Variants in PIAS1 observed in about 807,000 individuals in gnomAD.
PIAS1 encodes protein inhibitor of activated STAT 1.
In PIAS1, 6 loss-of-function variants were observed where a neutral mutation model predicts 71.3. That is an observed-to-expected ratio of 0.08 (90% CI 0.05 to 0.17). PIAS1 has a LOEUF of 0.17. Ranked by LOEUF, PIAS1 falls within the 10% of genes least tolerant of loss-of-function variation. PIAS1 has a pLI of 1.00. For synonymous variants in PIAS1, 303 were observed against 292.9 expected (o/e 1.03, Z -0.35); for missense variants, 555 against 793.6 (o/e 0.70, Z 3.61).
Position 68,171,919 on chromosome 15 carries a change from TTA to T in PIAS1, c.1009-1809_1009-1808del, listed in dbSNP as rs2092993821. Reference sequence around the variant, plus strand: ...TTTCTTTCATATATATTTTTTTCTTTTATATGTTTTATATATATATAAAATAC... The same window carrying T: ...TTTCTTTCATATATATTTTTTTCTTTTATGTTTTATATATATATAAAATAC... On this transcript the variant is annotated intron_variant, in intron 8 of 13. Transcript: ENST00000249636. This position sits in a 1 kb window ranked among gnomAD's most constrained non-coding sequence, Gnocchi z 4.4. 6.6e-6 allele frequency among the ~76,000 whole-genome samples: 1 copy of T among 151,662 alleles called. No homozygotes were observed. Among genetic ancestry groups the T allele is most frequent in the Non-Finnish European group, 1.5e-5 (1 of 67,906 alleles).
chr15:68,148,990 A>T (rs190544685), intron 6 of PIAS1, among the ~76,000 whole-genome samples: 7 of 151,868 alleles, frequency 4.6e-5, no homozygotes, highest in African/African-American at 1.7e-4. Context: ...GTGACTGATG[A>T]GTCCTTGGTT....
chr15:68,069,203 A>AT (rs1291363993), intron 1 of PIAS1, among the ~76,000 whole-genome samples: 2 of 152,006 alleles, frequency 1.3e-5, no homozygotes, highest in Non-Finnish European at 2.9e-5. Flanking sequence ...CTTGTCCATT[A>AT]TTTTTTTGGA....
intron 7 of PIAS1, among the ~76,000 whole-genome samples, chr15:68,154,681 G>A (rs1275123608): frequency 2.6e-5 from 4 of 152,188 alleles, no homozygotes; most frequent in African/African-American, 7.2e-5. Flanking sequence ...GAATTTTTCT[G>A]TATTAAAATG....
At chr15:68,071,289 CAG>C (rs1479396949) in intron 1 of PIAS1, among the ~76,000 whole-genome samples, 90 of 102,766 alleles carry the variant, frequency 8.8e-4, no homozygotes, top group African/African-American at 3.1e-3. Context: ...TTTTTTTTGA[CAG>C]AGTCTCACTC....
Position 68,185,923 on chromosome 15 carries a change from A to T in PIAS1, c.1663-1619A>T, listed in dbSNP as rs977909908. Among the ~76,000 whole-genome samples the T allele has an allele frequency of 6.6e-6, 1 of 151,956 alleles. No individual in the cohort carries two copies. The highest frequency in any genetic ancestry group is 2.4e-5 in the African/African-American group (1 of 41,338). On this transcript the variant is annotated intron_variant, in intron 13 of 13. Transcript: ENST00000249636. This position sits in a 1 kb window ranked among gnomAD's most constrained non-coding sequence, Gnocchi z 4.4. ...GTTGCAGTGAGCCGAGATTGCGTGC[A>T]CCACTCTACTCCAACCTGGGTGGCA...
chr15:68,191,055 ATTATT>A lies in PIAS1; in HGVS notation c.*3224_*3228del, dbSNP rs910484308. ...CAGGACTTTTTAAAGCACATTTGAA[ATTATT>A]TTAGTAAGAATTTTGTTTTATCAAT... is the stretch of plus-strand genomic sequence containing the variant. On this transcript the variant is annotated 3_prime_UTR_variant, in exon 14 of 14. Transcript: ENST00000249636. The A allele has an allele frequency of 2.9e-4, 45 of 152,726 alleles. No homozygotes were observed. The highest frequency in any genetic ancestry group is 1.0e-3 in the African/African-American group (42 of 41,592). 9.5% of individuals were successfully genotyped at this position (152,726 alleles called of 1,614,324 possible). A position where few individuals can be genotyped will look rare whatever the true frequency, so the allele number is the denominator to read the frequency against.
At chr15:68,140,622 C>G (rs1372432709) in intron 2 of PIAS1, among the ~76,000 whole-genome samples, 3 of 152,200 alleles carry the variant, frequency 2.0e-5, no homozygotes, top group East Asian at 1.9e-4. Flanking sequence ...AGATAGAATT[C>G]TAGATCAACA....
At position 68,117,472 on chromosome 15, in the gene PIAS1, A is replaced by T. The variant is rs571154387; in HGVS notation, c.470-24474A>T. The stretch of plus-strand genomic sequence containing the variant: ...TTAGAACACGAGAATTTATCTATCT[A>T]ACTGTAGCTTTGTACTTGTGGACCA... On this transcript the variant is annotated intron_variant, in intron 2 of 13. Transcript: ENST00000249636. Among the ~76,000 whole-genome samples the T allele has an allele frequency of 3.9e-5, 6 of 152,292 alleles. No homozygotes were observed. In the South Asian group the frequency reaches 6.2e-4, roughly 16 times the overall value.
chr15:68,133,196 A>G (rs189244316), intron 2 of PIAS1, among the ~76,000 whole-genome samples: 18 of 152,078 alleles, frequency 1.2e-4, no homozygotes, highest in Middle Eastern at 3.4e-3. Context: ...TCATTCTTCT[A>G]TTGGTAGGTA....
intron 3 of PIAS1, 39 bp from the exon 4 acceptor site, chr15:68,142,251 C>G: frequency 6.5e-7 from 1 of 1,538,562 alleles, no homozygotes; most frequent in East Asian, 2.3e-5. Flanking sequence ...CATGCAAATA[C>G]TTTAAAAGTA....
At chr15:68,062,496 A>AC (rs1174088321) in intron 1 of PIAS1, among the ~76,000 whole-genome samples, 1 of 152,184 alleles carries the variant, frequency 6.6e-6, no homozygotes, top group African/African-American at 2.4e-5. Context: ...TCGAAAAGCA[A>AC]CCCTACATCC....
intron 8 of PIAS1, among the ~76,000 whole-genome samples, chr15:68,170,893 G>A (rs1286822566): frequency 2.0e-5 from 3 of 151,924 alleles, no homozygotes; most frequent in East Asian, 1.9e-4. Context: ...CTCCCTCCTC[G>A]GCCTCCCAAA....
chr15:68,116,976 T>A lies in PIAS1; in HGVS notation c.470-24970T>A, dbSNP rs79337816. Among the ~76,000 whole-genome samples, 1,442 of 152,312 alleles carry A rather than the reference T, an allele frequency of 9.5e-3. 67 individuals carry two copies. The highest frequency in any genetic ancestry group is 0.074 in the Admixed American group (1,129 of 15,298). On this transcript the variant is annotated intron_variant, in intron 2 of 13. Transcript: ENST00000249636. ...CAGTACATGTATAAATTGTGTAGTG[T>A]TCAGGTCAGAATAATTTGCATGAGG... is the stretch of plus-strand genomic sequence containing the variant.
chr15:68,059,416 A>G (rs1479206274), intron 1 of PIAS1, among the ~76,000 whole-genome samples: 1 of 152,052 alleles, frequency 6.6e-6, no homozygotes, highest in African/African-American at 2.4e-5. Context: ...TTTGTGCTTT[A>G]GAAAGCAATG....
Position 68,187,508 on chromosome 15 carries a change from T to C in PIAS1, c.1663-34T>C, listed in dbSNP as rs2093095444. Reference sequence around the variant, plus strand: ...AAATATATTAATTTGGAAGTATAATTAACATTTTTGTGTCTTTTGTTTCCC... The same window carrying C: ...AAATATATTAATTTGGAAGTATAATCAACATTTTTGTGTCTTTTGTTTCCC... On this transcript the variant is annotated intron_variant, in intron 13 of 13. Transcript: ENST00000249636. The surrounding 1 kb of genome is among the most constrained non-coding windows in gnomAD (Gnocchi z 5.3). 6.3e-7 allele frequency: 1 copy of C among 1,586,188 alleles called. No individual in the cohort carries two copies. Among genetic ancestry groups the C allele is most frequent in the South Asian group, 1.1e-5 (1 of 90,242 alleles).
intron 2 of PIAS1, among the ~76,000 whole-genome samples, chr15:68,129,508 A>T (rs1213206920): frequency 6.6e-6 from 1 of 151,952 alleles, no homozygotes; most frequent in African/African-American, 2.4e-5. Flanking sequence ...AAATGACATT[A>T]AAAAAATAAA....
At chr15:68,128,713 G>C (rs895698514) in intron 2 of PIAS1, among the ~76,000 whole-genome samples, 1 of 152,182 alleles carries the variant, frequency 6.6e-6, no homozygotes, top group Non-Finnish European at 1.5e-5. Flanking sequence ...ATTAGGAATT[G>C]AGAATGAGTT....
At chr15:68,175,522 A>T in intron 9 of PIAS1, 115 bp from the exon 10 acceptor site, 2 of 393,674 alleles carry the variant, frequency 5.1e-6, no homozygotes, top group Non-Finnish European at 8.6e-6. Flanking sequence ...ATGTGACATA[A>T]ATTAGGCAGC....
chr15:68,152,570 C>G (rs1247925688), intron 6 of PIAS1, among the ~76,000 whole-genome samples: 1 of 152,176 alleles, frequency 6.6e-6, no homozygotes, highest in Non-Finnish European at 1.5e-5. Context: ...TTCATCAGCC[C>G]TTCACTTAGA....
Sources: allele counts gnomAD v4.1 joint callset (sites outside exome capture counted in the v4.1 genomes callset), GRCh38; gene constraint gnomAD v4.1.1; non-coding constraint Gnocchi (gnomAD v3.1); transcripts MANE v1.5; gene names NCBI Gene and HGNC (gene_info 2026-07-23, HGNC 2026-07-21).